PRAG1: variants seen among roughly 807,000 people sequenced by gnomAD.
The protein encoded by PRAG1 is inactive tyrosine-protein kinase PRAG1.
A neutral mutation model predicts 95.6 loss-of-function variants in PRAG1; 110 were observed. The observed-to-expected ratio is 1.15, with a 90% CI of 0.99 to 1.35. PRAG1 has a LOEUF of 1.35. PRAG1 is among the 40% of genes most tolerant of loss of function. PRAG1 has a pLI of 0.00. For synonymous variants in PRAG1, 1,052 were observed against 819.4 expected (o/e 1.28, Z -4.85); for missense variants, 2,554 against 1,864.7 (o/e 1.37, Z -6.81).
chr8:8,345,379 A>AAAAG (rs1554506091), intron 3 of PRAG1, among the ~76,000 whole-genome samples: 4 of 151,546 alleles, frequency 2.6e-5, no homozygotes, highest in South Asian at 2.1e-4. Flanking sequence ...AAAAAAAAAA[A>AAAAG]AAAGAAAGAA....
chr8:8,364,292 C>T (rs1387201002), intron 3 of PRAG1, among the ~76,000 whole-genome samples: 1 of 152,188 alleles, frequency 6.6e-6, no homozygotes, highest in Non-Finnish European at 1.5e-5. Context: ...TCTTCAAATT[C>T]TTGCCCTGCA....
At chr8:8,341,817 G>A (rs1799174560) in intron 3 of PRAG1, among the ~76,000 whole-genome samples, 1 of 152,136 alleles carries the variant, frequency 6.6e-6, no homozygotes, top group East Asian at 1.9e-4. Flanking sequence ...TGTCCAATTT[G>A]GATATAAAGG....
In PRAG1 at chr8:8,376,950, TC is replaced by T; in HGVS notation, c.1458del (p.Thr487ArgfsTer4). The T allele has an allele frequency of 1.2e-6, 2 of 1,613,422 alleles. No individual in the cohort carries two copies. The highest frequency in any genetic ancestry group is 1.7e-6 in the Non-Finnish European group (2 of 1,179,986). On this transcript the variant is annotated frameshift_variant, in exon 3 of 6. Coordinates refer to ENST00000615670, the MANE Select transcript of PRAG1 (RefSeq NM_001080826.3). LOFTEE classifies it high-confidence loss of function. The part of the protein sequence containing the change: ...VMAAHPEEDH[R>X]TIYLSSPDSA... ...GAGTCAGGGCTGCTCAGGTAGATCGTCCGATGGTCCTCTTCCGGGTGGGCCG... is the reference window on the plus strand; with the variant it reads ...GAGTCAGGGCTGCTCAGGTAGATCGTCGATGGTCCTCTTCCGGGTGGGCCG...
intron 4 of PRAG1, among the ~76,000 whole-genome samples, chr8:8,337,843 A>G (rs1306517609): frequency 6.6e-6 from 1 of 152,190 alleles, no homozygotes; most frequent in Admixed American, 6.5e-5. Flanking sequence ...CCACCTGCAC[A>G]GATTGCTGTG....
chr8:8,355,360 T>G (rs552225757), intron 3 of PRAG1, among the ~76,000 whole-genome samples: 7 of 152,114 alleles, frequency 4.6e-5, no homozygotes, highest in Non-Finnish European at 8.8e-5. Context: ...ACAGATTTAA[T>G]GCAATCTCTA....
intron 3 of PRAG1, among the ~76,000 whole-genome samples, chr8:8,353,366 C>T (rs1031160941): frequency 2.0e-5 from 3 of 151,694 alleles, no homozygotes; most frequent in African/African-American, 7.3e-5. Flanking sequence ...TGTTTCCAAC[C>T]ACAACAGTGT....
In PRAG1 at chr8:8,351,104, A is replaced by G. The variant is rs560289161; in HGVS notation, c.2163-11469T>C. On this transcript the variant is annotated intron_variant, in intron 3 of 5. Transcript: ENST00000615670. ...TAAAGAAAAGAGGTTTAATTGCCTC[A>G]TGGTTCCACAGGCTGTGCAGGAAGC... Among the ~76,000 whole-genome samples the G allele has an allele frequency of 4.6e-5, 7 of 152,338 alleles. No homozygotes were observed. The South Asian group carries it at 1.4e-3, about 32-fold the overall frequency.
At chr8:8,349,675 G>A (rs929408074) in intron 3 of PRAG1, among the ~76,000 whole-genome samples, 2 of 151,934 alleles carry the variant, frequency 1.3e-5, no homozygotes, top group African/African-American at 2.4e-5. Flanking sequence ...AAACTGATAG[G>A]GCCAATCTTC....
rs760286114 is a variant in PRAG1, at chr8:8,333,694, CTCTT to C, written c.2321-5237_2321-5234del. 2.9e-4 allele frequency among the ~76,000 whole-genome samples: 44 copies of C among 152,322 alleles called. 1 individual carries two copies. In the Middle Eastern group the frequency reaches 0.024, roughly 82 times the overall value. Reference sequence around the variant, plus strand: ...GAGGAAGTGGTCAGTCCTGTTTTGGCTCTTTCTTTGCACAGCTCTGCTGTGTGAT... The same window carrying C: ...GAGGAAGTGGTCAGTCCTGTTTTGGCTCTTTGCACAGCTCTGCTGTGTGAT... On this transcript the variant is annotated intron_variant, in intron 4 of 5. Coordinates refer to ENST00000615670, the MANE Select transcript of PRAG1 (RefSeq NM_001080826.3).
At chr8:8,334,860 A>T (rs1211204547) in intron 4 of PRAG1, among the ~76,000 whole-genome samples, 1 of 152,008 alleles carries the variant, frequency 6.6e-6, no homozygotes, top group Non-Finnish European at 1.5e-5. Context: ...AGGTGAGCGG[A>T]TCACTTGAGG....
chr8:8,341,711 A>G (rs571090214), intron 3 of PRAG1, among the ~76,000 whole-genome samples: 1 of 152,336 alleles, frequency 6.6e-6, no homozygotes, highest in African/African-American at 2.4e-5. Flanking sequence ...TTTACTACAC[A>G]TTGCTGGATT....
Position 8,377,523 on chromosome 8 carries a change from C to T in PRAG1, c.886G>A (p.Gly296Arg), listed in dbSNP as rs370150466. 8.5e-5 allele frequency: 134 copies of T among 1,578,078 alleles called. 1 individual carries two copies. Among genetic ancestry groups the T allele is most frequent in the Non-Finnish European group, 1.0e-4 (121 of 1,161,012 alleles). Residue 296 changes from glycine (G) to arginine (R), a missense_variant, in exon 3 of 6, where the codon GGG (glycine) becomes AGG (arginine). Coordinates refer to ENST00000615670, the MANE Select transcript of PRAG1 (RefSeq NM_001080826.3). ...PTCWEQGKCS[G>R]PAEQEKRGPS... Reference sequence around the variant, plus strand: ...CCCCGCTTCTCCTGCTCTGCGGGCCCGGAACACTTCCCCTGCTCCCAGCAC... The same window carrying T: ...CCCCGCTTCTCCTGCTCTGCGGGCCTGGAACACTTCCCCTGCTCCCAGCAC...
At chr8:8,363,941 G>C (rs1363565630) in intron 3 of PRAG1, among the ~76,000 whole-genome samples, 2 of 152,094 alleles carry the variant, frequency 1.3e-5, no homozygotes, top group Admixed American at 6.5e-5. Flanking sequence ...CATTGCTTCT[G>C]ACTGCTATTA....
intron 4 of PRAG1, 91 bp downstream of exon 4, chr8:8,339,387 T>C (rs1012685061): frequency 8.6e-6 from 12 of 1,393,018 alleles, no homozygotes; most frequent in Non-Finnish European, 1.2e-5. Flanking sequence ...CAGTAGTCCT[T>C]GCTCAGCCCT....
chr8:8,330,387 G>C (rs1188676258), intron 4 of PRAG1, among the ~76,000 whole-genome samples: 1 of 152,140 alleles, frequency 6.6e-6, no homozygotes, highest in South Asian at 2.1e-4. Flanking sequence ...ATTCAAGAGG[G>C]AGCACCGTGT....
chr8:8,371,877 AC>A (rs1474757692), intron 3 of PRAG1, among the ~76,000 whole-genome samples: 2 of 152,176 alleles, frequency 1.3e-5, no homozygotes, highest in Non-Finnish European at 2.9e-5. Context: ...AACGAAACAC[AC>A]AAAAAACAAA....
At chr8:8,361,535 T>A (rs1799848365) in intron 3 of PRAG1, among the ~76,000 whole-genome samples, 1 of 152,182 alleles carries the variant, frequency 6.6e-6, no homozygotes, top group South Asian at 2.1e-4. Flanking sequence ...TTCCTTGTTC[T>A]CCTGTCCCCC....
intron 4 of PRAG1, among the ~76,000 whole-genome samples, chr8:8,329,102 C>A (rs1798740124): frequency 6.6e-6 from 1 of 152,058 alleles, no homozygotes; most frequent in African/African-American, 2.4e-5. Flanking sequence ...TGGTAAAATT[C>A]TCCCTTTTGG....
At chr8:8,358,266 G>C (rs867455833) in intron 3 of PRAG1, among the ~76,000 whole-genome samples, 6 of 152,266 alleles carry the variant, frequency 3.9e-5, no homozygotes, top group Middle Eastern at 6.8e-3. Context: ...GTGTGGGAAG[G>C]GGCATGATGC....
Sources: gnomAD v4.1 joint callset for allele counts (sites outside exome capture counted in the v4.1 genomes callset) on GRCh38, gnomAD v4.1.1 for gene constraint, MANE v1.5 for transcripts, NCBI Gene and HGNC (gene_info 2026-07-23, HGNC 2026-07-21) for gene names.